TAX1BP1: variants seen among roughly 807,000 people sequenced by gnomAD.
The protein encoded by TAX1BP1 is Tax1 binding protein 1, also known as tax1-binding protein 1.
TAX1BP1 carries 62 observed loss-of-function variants against 97.7 expected under a neutral mutation model. The ratio of observed to expected loss-of-function variants is 0.63; its 90% CI spans 0.52 to 0.78. TAX1BP1 has a LOEUF of 0.78. Ranked by LOEUF, TAX1BP1 falls within the 30% of genes least tolerant of loss-of-function variation. The pLI, the probability that TAX1BP1 is intolerant of heterozygous loss-of-function variation, is 0.00. For synonymous variants in TAX1BP1, 340 were observed against 304.2 expected (o/e 1.12, Z -1.23); for missense variants, 867 against 916.1 (o/e 0.95, Z 0.69).
At chr7:27,748,876 C>G (rs1787922767) in intron 2 of TAX1BP1, among the ~76,000 whole-genome samples, 190 bp downstream of exon 2, 1 of 152,198 alleles carries the variant, frequency 6.6e-6, no homozygotes, top group Non-Finnish European at 1.5e-5. Context: ...AGATTTTCCT[C>G]TCCCTGATCA....
At chr7:27,739,571 T>C (rs902070212), upstream of TAX1BP1, 2 of 152,102 alleles carry the variant, frequency 1.3e-5, no homozygotes, top group African/African-American at 4.8e-5. Context: ...GAAATGCGGC[T>C]AGAAAAGAGG....
intron 13 of TAX1BP1, among the ~76,000 whole-genome samples, chr7:27,808,002 G>A (rs1427235266): frequency 6.6e-6 from 1 of 151,902 alleles, no homozygotes; most frequent in Non-Finnish European, 1.5e-5. Flanking sequence ...ATTATTCTTT[G>A]AGCACTTATT....
intron 15 of TAX1BP1, among the ~76,000 whole-genome samples, chr7:27,819,818 G>A (rs1057236241): frequency 2.0e-5 from 3 of 152,144 alleles, no homozygotes; most frequent in African/African-American, 7.2e-5. Flanking sequence ...ATATTTCTGT[G>A]TACTTCTGCA....
chr7:27,796,115 G>A lies in TAX1BP1; in HGVS notation c.1535-1G>A. 1.2e-6 allele frequency: 2 copies of A among 1,604,496 alleles called. No homozygotes were observed. Among genetic ancestry groups the A allele is most frequent in the South Asian group, 1.1e-5 (1 of 88,406 alleles). Reference sequence around the variant, plus strand: ...CAGTCTTATATTCTGCCTTTCTACAGCAGAGGCAGATTTTGACATAGTAAC... The same window carrying A: ...CAGTCTTATATTCTGCCTTTCTACAACAGAGGCAGATTTTGACATAGTAAC... On this transcript the variant is annotated splice_acceptor_variant, in intron 11 of 16. Coordinates refer to ENST00000396319, the MANE Select transcript of TAX1BP1 (RefSeq NM_006024.7). LOFTEE classifies it high-confidence loss of function.
chr7:27,777,790 G>C (rs1789089008), intron 5 of TAX1BP1, among the ~76,000 whole-genome samples: 1 of 152,206 alleles, frequency 6.6e-6, no homozygotes, highest in Non-Finnish European at 1.5e-5. Flanking sequence ...TCTCTAGACA[G>C]TAATAAGCTG....
At chr7:27,771,097 A>ATTTTTTTTTTTTTTTTTTTTT (rs57751582) in intron 5 of TAX1BP1, among the ~76,000 whole-genome samples, 7 of 40,570 alleles carry the variant, frequency 1.7e-4, no homozygotes, top group South Asian at 2.0e-3. Flanking sequence ...ACATTCAGCA[A>ATTTTTTTTTTTTTTTTTTTTT]TTTTTTTTTT....
rs1350718352 is a variant in TAX1BP1, at chr7:27,828,904, AG to A, written c.*77del. ...AAACCACACCTAAAATAGACCACTG[AG>A]GAGACCATAGAGCGGATGCTTTCAT... On this transcript the variant is annotated 3_prime_UTR_variant, in exon 17 of 17. Coordinates refer to ENST00000396319, the MANE Select transcript of TAX1BP1 (RefSeq NM_006024.7). 25 of 1,236,052 alleles carry A rather than the reference AG, an allele frequency of 2.0e-5. No individual in the cohort carries two copies. The highest frequency in any genetic ancestry group is 2.7e-5 in the Non-Finnish European group (24 of 890,018). 76.6% of individuals were successfully genotyped at this position (1,236,052 alleles called of 1,614,324 possible).
chr7:27,795,087 C>T (rs575061802), intron 11 of TAX1BP1, among the ~76,000 whole-genome samples: 11 of 152,180 alleles, frequency 7.2e-5, no homozygotes, highest in Middle Eastern at 3.4e-3. Flanking sequence ...ACAGTAATGA[C>T]GTTAAATACT....
At chr7:27,800,366 A>G (rs188393561) in intron 13 of TAX1BP1, among the ~76,000 whole-genome samples, 2 of 152,232 alleles carry the variant, frequency 1.3e-5, no homozygotes, top group African/African-American at 4.8e-5. Flanking sequence ...TTTAAAGTTG[A>G]AAAGTGATCA....
rs780270645 is a variant in TAX1BP1 at position 27,792,278 on chromosome 7, A to G, written c.1263+48A>G. 7 of 1,475,182 alleles carry G rather than the reference A, an allele frequency of 4.7e-6. No individual in the cohort carries two copies. In the Admixed American group the frequency reaches 5.9e-5, roughly 13 times the overall value. 91.4% of individuals were successfully genotyped at this position (1,475,182 alleles called of 1,614,324 possible). On this transcript the variant is annotated intron_variant, in intron 9 of 16. Coordinates refer to ENST00000396319, the MANE Select transcript of TAX1BP1 (RefSeq NM_006024.7). Reference sequence around the variant, plus strand: ...TTGCATTTTGATTTAAGAAACCACTATAATCTCACAAAGTAGTAAATTGTG... The same window carrying G: ...TTGCATTTTGATTTAAGAAACCACTGTAATCTCACAAAGTAGTAAATTGTG...
At chr7:27,741,587 G>T (rs951366428) in intron 1 of TAX1BP1, among the ~76,000 whole-genome samples, 2 of 149,342 alleles carry the variant, frequency 1.3e-5, no homozygotes, top group Admixed American at 1.3e-4. Flanking sequence ...TGCAACCTCC[G>T]CCTCCCAGGT....
intron 2 of TAX1BP1, among the ~76,000 whole-genome samples, chr7:27,756,526 C>T (rs1460291191): frequency 6.6e-6 from 1 of 152,150 alleles, no homozygotes; most frequent in East Asian, 1.9e-4. Flanking sequence ...AATACAGACA[C>T]AACCTTTTGA....
At position 27,753,761 on chromosome 7, in the gene TAX1BP1, C is replaced by T. The variant is rs548572971; in HGVS notation, c.163-4270C>T. Reference sequence around the variant, plus strand: ...CAGATCTTTCACTTAACCAAACAGCCGGAGTAAAAGTTATGTGAATGTGGT... The same window carrying T: ...CAGATCTTTCACTTAACCAAACAGCTGGAGTAAAAGTTATGTGAATGTGGT... On this transcript the variant is annotated intron_variant, in intron 2 of 16. Coordinates refer to ENST00000396319, the MANE Select transcript of TAX1BP1 (RefSeq NM_006024.7). 7.9e-5 allele frequency among the ~76,000 whole-genome samples: 12 copies of T among 152,194 alleles called. No individual in the cohort carries two copies. The East Asian group carries it at 2.3e-3, about 29-fold the overall frequency.
chr7:27,756,937 A>G (rs1788241755), intron 2 of TAX1BP1, among the ~76,000 whole-genome samples: 1 of 152,158 alleles, frequency 6.6e-6, no homozygotes, highest in African/African-American at 2.4e-5. Flanking sequence ...ATTTCATGAA[A>G]CACTTACCCT....
chr7:27,804,187 A>G (rs1790248855), intron 13 of TAX1BP1, among the ~76,000 whole-genome samples: 1 of 152,154 alleles, frequency 6.6e-6, no homozygotes, highest in Non-Finnish European at 1.5e-5. Flanking sequence ...CAGCATTTAG[A>G]AGATCCACAT....
At chr7:27,756,421 ATCTTGC>A (rs1788217973) in intron 2 of TAX1BP1, among the ~76,000 whole-genome samples, 1 of 152,116 alleles carries the variant, frequency 6.6e-6, no homozygotes, top group South Asian at 2.1e-4. Context: ...TCAGGATTGT[ATCTTGC>A]CCCCAACTTC....
At chr7:27,827,688 T>C (rs371091190) in intron 15 of TAX1BP1, 50 bp from the exon 16 acceptor site, 33 of 1,479,844 alleles carry the variant, frequency 2.2e-5, no homozygotes, top group African/African-American at 1.8e-4. Context: ...TTAAGGAATT[T>C]ATATTTGGTT....
At chr7:27,747,597 C>T (rs1787874944) in intron 1 of TAX1BP1, among the ~76,000 whole-genome samples, 1 of 152,006 alleles carries the variant, frequency 6.6e-6, no homozygotes, top group Non-Finnish European at 1.5e-5. Flanking sequence ...ATAGGCTGAG[C>T]CATTTCAAGT....
chr7:27,747,438 A>T (rs890806151), intron 1 of TAX1BP1, among the ~76,000 whole-genome samples: 2 of 152,208 alleles, frequency 1.3e-5, no homozygotes, highest in Non-Finnish European at 2.9e-5. Context: ...GTATTTTATT[A>T]ACACTACACT....
Sources: gnomAD v4.1 joint callset for allele counts (sites outside exome capture counted in the v4.1 genomes callset) on GRCh38, gnomAD v4.1.1 for gene constraint, MANE v1.5 for transcripts, NCBI Gene and HGNC (gene_info 2026-07-23, HGNC 2026-07-21) for gene names.